The following ATP7B variants were observed in gnomAD, a reference collection of about 807,000 sequenced individuals.
ATP7B encodes the protein copper-transporting ATPase 2.
ATP7B carries 113 observed loss-of-function variants against 118.9 expected under a neutral mutation model. The ratio of observed to expected loss-of-function variants is 0.95; its 90% CI spans 0.82 to 1.11. ATP7B has a LOEUF of 1.11. Ranked by LOEUF, ATP7B falls within the 50% of genes most tolerant of loss-of-function variation. The pLI is 0.00. For synonymous variants in ATP7B, 777 were observed against 727.4 expected, an observed-to-expected ratio of 1.07 and a Z score of -1.10; for missense variants, 1,867 against 1,871.4, an observed-to-expected ratio of 1.00 and a Z score of 0.04.
At chr13:51,957,909 C>A in intron 8 of ATP7B, 1 of 467,608 alleles carries the variant, frequency 2.1e-6, no homozygotes, top group South Asian at 2.1e-5. Flanking sequence ...CTTTTAGGGC[C>A]TGAGTTCCAT....
chr13:51,974,112 A>G lies in ATP7B; in HGVS notation c.1108T>C (p.Cys370Arg), dbSNP rs1401758076. 1 of 1,613,732 alleles carries G rather than the reference A, an allele frequency of 6.2e-7. No individual in the cohort carries two copies. Among genetic ancestry groups the G allele is most frequent in the African/African-American group, 1.3e-5 (1 of 74,812 alleles). Residue 370 changes from cysteine to arginine, a missense_variant, in exon 2 of 21, where the codon TGT becomes CGT. Transcript: ENST00000242839. Reference protein sequence around the residue: ...TTLIAIAGMTCASCVHSIEGM... With the variant: ...TTLIAIAGMTRASCVHSIEGM... ...TCAATGGAATGGACACAGGATGCAC[A>G]GGTCATGCCGGCAATGGCAATCAGA...
At chr13:51,952,138 T>C (rs941337507) in intron 9 of ATP7B, among the ~76,000 whole-genome samples, 5 of 152,196 alleles carry the variant, frequency 3.3e-5, no homozygotes, top group African/African-American at 9.6e-5. Flanking sequence ...TGTACATACA[T>C]GTGAACTGTG....
At chr13:51,960,433 G>C in intron 6 of ATP7B, 111 bp from the exon 7 acceptor site, 1 of 1,325,916 alleles carries the variant, frequency 7.5e-7, no homozygotes, top group Non-Finnish European at 1.1e-6. Context: ...TCACATGTCT[G>C]GGACAGACCA....
rs1431408529 is a variant in ATP7B, at chr13:51,933,128, AATAG to A, written c.*1624_*1627del. The stretch of plus-strand genomic sequence containing the variant: ...AAGTGCATTCTGAGTTGAAACAATG[AATAG>A]ATCACCTGGTAGATTTGTTCTTCCA... On this transcript the variant is annotated 3_prime_UTR_variant, in exon 21 of 21. Coordinates refer to ENST00000242839, the MANE Select transcript of ATP7B (RefSeq NM_000053.4). 10 of 152,230 alleles carry A rather than the reference AATAG, an allele frequency of 6.6e-5. No individual in the cohort carries two copies. The highest frequency in any genetic ancestry group is 2.4e-4 in the African/African-American group (10 of 41,458). The allele number at this position is 152,230 out of a possible 1,614,324, so 9.4% of individuals were successfully genotyped here.
At chr13:51,940,934 G>T (rs1957292231) in intron 16 of ATP7B, 147 bp downstream of exon 16, 1 of 1,250,058 alleles carries the variant, frequency 8.0e-7, no homozygotes, top group Non-Finnish European at 1.1e-6. Context: ...AAGACAAAAA[G>T]ACAATCTTCT....
chr13:51,965,167 C>A (rs1478586132), intron 4 of ATP7B, 134 bp from the exon 5 acceptor site: 5 of 1,065,682 alleles, frequency 4.7e-6, no homozygotes, highest in Non-Finnish European at 6.9e-6. Flanking sequence ...CCCTGGACTC[C>A]ACCTCCAAAC....
At chr13:51,957,641 T>A in intron 8 of ATP7B, 34 bp from the exon 9 acceptor site, 2 of 1,600,322 alleles carry the variant, frequency 1.2e-6, no homozygotes, top group Non-Finnish European at 1.7e-6. Context: ...ATGAGAGCTA[T>A]CGAAAGCAGA....
rs1157525948 is a variant in ATP7B at position 51,933,935 on chromosome 13, C to T, written c.*821G>A. The T allele has an allele frequency of 6.6e-6, 1 of 152,416 alleles. No individual in the cohort carries two copies. Among genetic ancestry groups the T allele is most frequent in the Non-Finnish European group, 1.5e-5 (1 of 68,252 alleles). The allele number at this position is 152,416 out of a possible 1,614,324, so 9.4% of individuals were successfully genotyped here. A position where few individuals can be genotyped will look rare whatever the true frequency, so the allele number is the denominator to read the frequency against. ...GCCGAGTACGGACTCTCAGGTCAGG[C>T]TCTGAGGCCCTCACTCCAGCTGGTC... On this transcript the variant is annotated 3_prime_UTR_variant, in exon 21 of 21. Coordinates refer to ENST00000242839, the MANE Select transcript of ATP7B (RefSeq NM_000053.4).
intron 1 of ATP7B, among the ~76,000 whole-genome samples, chr13:52,002,491 G>A (rs1406606919): frequency 2.8e-5 from 4 of 144,858 alleles, no homozygotes; most frequent in African/African-American, 5.2e-5. Context: ...ACCTGAGCCC[G>A]AGGAGATCCA....
intron 1 of ATP7B, among the ~76,000 whole-genome samples, chr13:52,009,446 C>T (rs1324500869): frequency 2.0e-5 from 3 of 152,138 alleles, no homozygotes; most frequent in East Asian, 1.9e-4. Context: ...GCCAGGTCTC[C>T]TCTTCTCTCC....
At chr13:51,964,722 T>C in intron 5 of ATP7B, 150 bp downstream of exon 5, 2 of 960,958 alleles carry the variant, frequency 2.1e-6, no homozygotes, top group Non-Finnish European at 1.5e-6. Flanking sequence ...CTGCAGTTTA[T>C]TTTAAAATGA....
Position 51,946,328 on chromosome 13 carries a change from C to T in ATP7B, c.3016G>A (p.Gly1006Ser), listed in dbSNP as rs369241942. 1.6e-5 allele frequency: 25 copies of T among 1,605,374 alleles called. No homozygotes were observed. The highest frequency in any genetic ancestry group is 5.3e-5 in the African/African-American group (4 of 74,814). Reference sequence around the variant, plus strand: ...GGCTTGCCTCCCTTGATGAGGATGCCGTTCTGCGCGGCCACCCCGGTGCCC... The same window carrying T: ...GGCTTGCCTCCCTTGATGAGGATGCTGTTCTGCGCGGCCACCCCGGTGCCC... The part of the protein sequence containing the change: ...MVGTGVAAQN[G>S]ILIKGGKPLE... The change falls in exon 13 of 21, where the codon GGC becomes AGC. Residue 1006 changes from glycine (G) to serine (S), a missense_variant. Physicochemically the swap from Gly to Ser is moderately conservative, Grantham distance 56. Transcript: ENST00000242839.
At chr13:51,978,413 T>C (rs942473510) in intron 1 of ATP7B, among the ~76,000 whole-genome samples, 58 of 152,360 alleles carry the variant, frequency 3.8e-4, no homozygotes, top group Non-Finnish European at 7.6e-4. Flanking sequence ...TCTTCCTACA[T>C]TGCTAGTGGG....
intron 1 of ATP7B, among the ~76,000 whole-genome samples, chr13:52,008,457 C>T (rs1305775447): frequency 1.3e-5 from 2 of 152,158 alleles, no homozygotes; most frequent in African/African-American, 4.8e-5. Context: ...GCTGAACATT[C>T]GAATCCCCTA....
chr13:51,972,878 C>T (rs1951909198), intron 2 of ATP7B, among the ~76,000 whole-genome samples: 1 of 152,126 alleles, frequency 6.6e-6, no homozygotes, highest in African/African-American at 2.4e-5. Context: ...TGGTGGTGCA[C>T]ACCTGTAGTC....
chr13:52,005,392 G>T (rs1003185866), intron 1 of ATP7B, among the ~76,000 whole-genome samples: 21 of 152,108 alleles, frequency 1.4e-4, no homozygotes, highest in Non-Finnish European at 8.8e-5. Flanking sequence ...TCTTCATCTA[G>T]TTCATCATCT....
intron 1 of ATP7B, among the ~76,000 whole-genome samples, chr13:52,011,053 A>T (rs1954005706): frequency 6.6e-6 from 1 of 152,228 alleles, no homozygotes; most frequent in South Asian, 2.1e-4. Flanking sequence ...CAGACCCCTT[A>T]AAAGCATAAA....
rs1231827889 is a variant in ATP7B, at chr13:52,011,148, G to T, written c.51+139C>A. ...TTTCTAAAGGGTCCTTTTCTCCCAC[G>T]CCAAGACATCCCTGGAGCTGGGGTC... is the stretch of plus-strand genomic sequence containing the variant. On this transcript the variant is annotated intron_variant, in intron 1 of 20. Transcript: ENST00000242839. The T allele has an allele frequency of 8.5e-6, 11 of 1,296,644 alleles. No individual in the cohort carries two copies. In the East Asian group the frequency reaches 2.3e-4, roughly 27 times the overall value. The allele number at this position is 1,296,644 out of a possible 1,614,324, so 80.3% of individuals were successfully genotyped here.
At chr13:52,001,883 CT>C (rs1474864084) in intron 1 of ATP7B, among the ~76,000 whole-genome samples, 3 of 152,100 alleles carry the variant, frequency 2.0e-5, no homozygotes, top group Admixed American at 6.6e-5. Flanking sequence ...CTCCGCCTCC[CT>C]GGCTCAAGTG....
Sources: allele counts gnomAD v4.1 joint callset (sites outside exome capture counted in the v4.1 genomes callset), GRCh38; gene constraint gnomAD v4.1.1; transcripts MANE v1.5; gene names NCBI Gene and HGNC (gene_info 2026-07-23, HGNC 2026-07-21).